Variants in IP6K1 observed in about 807,000 individuals in gnomAD.
The protein encoded by IP6K1 is ATP:1D-myo-inositol-hexakisphosphate phosphotransferase.
IP6K1 carries 13 observed loss-of-function variants against 38.3 expected under a neutral mutation model. The ratio of observed to expected loss-of-function variants is 0.34; its 90% CI spans 0.22 to 0.54. The LOEUF is 0.54. Ranked by LOEUF, IP6K1 falls within the 20% of genes least tolerant of loss-of-function variation. IP6K1 has a pLI of 0.92. For missense variants in IP6K1, 397 were observed against 599.8 expected, an observed-to-expected ratio of 0.66 and a Z score of 3.53; for synonymous variants, 212 against 229.9, an observed-to-expected ratio of 0.92 and a Z score of 0.70.
intron 1 of IP6K1, among the ~76,000 whole-genome samples, chr3:49,754,380 GA>G (rs1247540892): frequency 6.8e-4 from 98 of 143,606 alleles, no homozygotes; most frequent in Admixed American, 9.8e-4. Flanking sequence ...TGTCTCAGGG[GA>G]AAAAAAAAAA....
chr3:49,727,774 C>CT lies in IP6K1; in HGVS notation c.793-120dup, dbSNP rs1316518578. The CT allele has an allele frequency of 4.9e-6, 5 of 1,030,604 alleles. No individual in the cohort carries two copies. The highest frequency in any genetic ancestry group is 2.8e-6 in the Non-Finnish European group (2 of 715,914). The allele number at this position is 1,030,604 out of a possible 1,614,324, so 63.8% of individuals were successfully genotyped here. On this transcript the variant is annotated intron_variant, in intron 5 of 5. Transcript: ENST00000321599. This position sits in a 1 kb window ranked among gnomAD's most constrained non-coding sequence, Gnocchi z 5.9. Reference sequence around the variant, plus strand: ...AACCTGAGCTTTTCTGCTCACCTATCTAAGTGGAACCAGGCAGGCCACATT... The same window carrying CT: ...AACCTGAGCTTTTCTGCTCACCTATCTTAAGTGGAACCAGGCAGGCCACATT...
chr3:49,736,027 C>T (rs1353706077), intron 3 of IP6K1, among the ~76,000 whole-genome samples: 2 of 152,158 alleles, frequency 1.3e-5, no homozygotes, highest in East Asian at 1.9e-4. Flanking sequence ...AGTGATTCTC[C>T]TGCCTCAGCC....
At chr3:49,750,785 C>T (rs1261268773) in intron 1 of IP6K1, among the ~76,000 whole-genome samples, 1 of 152,172 alleles carries the variant, frequency 6.6e-6, no homozygotes, top group African/African-American at 2.4e-5. Context: ...GGACTGAGGG[C>T]AGAGTCCACT....
chr3:49,780,993 A>C (rs1575331688), intron 1 of IP6K1, among the ~76,000 whole-genome samples: 2 of 152,228 alleles, frequency 1.3e-5, no homozygotes, highest in East Asian at 1.9e-4. Flanking sequence ...AGGCGCAAAA[A>C]GACACAAAAA....
At chr3:49,780,464 T>C (rs1051489058) in intron 1 of IP6K1, among the ~76,000 whole-genome samples, 1 of 152,146 alleles carries the variant, frequency 6.6e-6, no homozygotes, top group Admixed American at 6.6e-5. Flanking sequence ...ACAAAATGCC[T>C]GACTGCTTCC....
At chr3:49,764,306 CAGG>C (rs2080890497) in intron 1 of IP6K1, among the ~76,000 whole-genome samples, 1 of 152,082 alleles carries the variant, frequency 6.6e-6, no homozygotes, top group Non-Finnish European at 1.5e-5. Flanking sequence ...TGCTTAATTT[CAGG>C]AGTTCAATGC....
chr3:49,773,439 T>C (rs1243768415), intron 1 of IP6K1, among the ~76,000 whole-genome samples: 1 of 152,054 alleles, frequency 6.6e-6, no homozygotes, highest in African/African-American at 2.4e-5. Context: ...TGAAACCCCA[T>C]CTCTACTAAA....
chr3:49,773,980 AACACACACACACACACACAC>A (rs10575617), intron 1 of IP6K1, among the ~76,000 whole-genome samples: 3 of 142,176 alleles, frequency 2.1e-5, no homozygotes, highest in Non-Finnish European at 4.6e-5. Flanking sequence ...CTCTCTCTAA[AACACACACACACACACACAC>A]ACACACACAC....
chr3:49,772,585 T>G (rs2080969926), intron 1 of IP6K1, among the ~76,000 whole-genome samples: 2 of 151,826 alleles, frequency 1.3e-5, no homozygotes, highest in Admixed American at 6.6e-5. Flanking sequence ...TTATTTTTTG[T>G]AGAGACAAGG....
At chr3:49,772,224 AATAT>A (rs368746245) in intron 1 of IP6K1, among the ~76,000 whole-genome samples, 8 of 142,968 alleles carry the variant, frequency 5.6e-5, no homozygotes, top group Non-Finnish European at 1.2e-4. Flanking sequence ...TAAAAAAAAA[AATAT>A]ATATATATAT....
chr3:49,776,548 A>C (rs1271109752), intron 1 of IP6K1, among the ~76,000 whole-genome samples: 1 of 151,978 alleles, frequency 6.6e-6, no homozygotes, highest in Non-Finnish European at 1.5e-5. Context: ...AATGCAAAAA[A>C]CCATGGTACT....
At chr3:49,740,228 CTTTTT>C (rs71080547) in intron 2 of IP6K1, among the ~76,000 whole-genome samples, 2 of 76,514 alleles carry the variant, frequency 2.6e-5, no homozygotes, top group Non-Finnish European at 2.5e-5. Flanking sequence ...ATTTGCAATT[CTTTTT>C]TTTTTTTTTT....
chr3:49,751,772 C>T (rs990965003), intron 1 of IP6K1, among the ~76,000 whole-genome samples: 1 of 152,072 alleles, frequency 6.6e-6, no homozygotes, highest in Admixed American at 6.5e-5. Context: ...ATAATTATTG[C>T]GTAAAATGCA....
At chr3:49,757,523 A>G (rs1345605840) in intron 1 of IP6K1, among the ~76,000 whole-genome samples, 1 of 151,518 alleles carries the variant, frequency 6.6e-6, no homozygotes, top group African/African-American at 2.4e-5. Flanking sequence ...CAGGAGTTTG[A>G]GACCAGCCTG....
chr3:49,772,364 A>G (rs2080968172), intron 1 of IP6K1, among the ~76,000 whole-genome samples: 2 of 148,628 alleles, frequency 1.3e-5, no homozygotes, highest in South Asian at 2.1e-4. Flanking sequence ...ATATATATAT[A>G]TAGAAGGCTA....
rs2080521461 is a variant in IP6K1, at chr3:49,727,662, C to G, written c.793-7G>C. 6.2e-7 allele frequency: 1 copy of G among 1,609,988 alleles called. No homozygotes were observed. The highest frequency in any genetic ancestry group is 8.5e-7 in the Non-Finnish European group (1 of 1,177,036). On this transcript the variant is annotated splice_region_variant and splice_polypyrimidine_tract_variant and intron_variant, in intron 5 of 5. Coordinates refer to ENST00000321599, the MANE Select transcript of IP6K1 (RefSeq NM_153273.4). This position sits in a 1 kb window ranked among gnomAD's most constrained non-coding sequence, Gnocchi z 5.9. ...CTGTGTCCAGCTGGTACACCTGAAA[C>G]CCCAGGAGGCAGACAGGGTGAGTGC...
Position 49,742,969 on chromosome 3 carries a change from C to G in IP6K1, c.224-4547G>C, listed in dbSNP as rs183074972. On this transcript the variant is annotated intron_variant, in intron 2 of 5. Transcript: ENST00000321599. ...ACAGTCCAGCCACGGTGGCTCATAC[C>G]TGTATCCAGGCACTTTGGGAGGCCA... 5.6e-4 allele frequency among the ~76,000 whole-genome samples: 84 copies of G among 151,032 alleles called. 1 individual carries two copies. In the East Asian group the frequency reaches 0.015, roughly 27 times the overall value.
chr3:49,737,389 A>ATAATTG (rs1365992471), intron 3 of IP6K1, among the ~76,000 whole-genome samples: 1 of 152,162 alleles, frequency 6.6e-6, no homozygotes, highest in Non-Finnish European at 1.5e-5. Flanking sequence ...TGAAATTATC[A>ATAATTG]AGACACATAA....
rs1393405039 is a variant in IP6K1, at chr3:49,727,634, G to T, written c.814C>A (p.His272Asn). 1 of 1,613,978 alleles carries T rather than the reference G, an allele frequency of 6.2e-7. No homozygotes were observed. The highest frequency in any genetic ancestry group is 1.1e-5 in the South Asian group (1 of 91,072). ...GMQVYQLDTG[H>N]YLCRNKYYGR... ...TAGTACTTGTTCCTGCAGAGGTAAT[G>T]CCCTGTGTCCAGCTGGTACACCTGA... The change falls in exon 6 of 6, where the codon CAT becomes AAT. Residue 272 changes from histidine to asparagine, a missense_variant. His to Asn is a moderately conservative substitution (Grantham distance 68). Coordinates refer to ENST00000321599, the MANE Select transcript of IP6K1 (RefSeq NM_153273.4). This position sits in a 1 kb window ranked among gnomAD's most constrained non-coding sequence, Gnocchi z 5.9.
Sources: allele counts gnomAD v4.1 joint callset (sites outside exome capture counted in the v4.1 genomes callset), GRCh38; gene constraint gnomAD v4.1.1; non-coding constraint Gnocchi (gnomAD v3.1); transcripts MANE v1.5; gene names NCBI Gene and HGNC (gene_info 2026-07-23, HGNC 2026-07-21).